Variants in ZNF587B observed in about 807,000 individuals in gnomAD.
ZNF587B encodes the protein zinc finger protein 587B.
ZNF587B carries 6 observed loss-of-function variants against 7.2 expected under a neutral mutation model. The observed-to-expected ratio is 0.83, with a 90% CI of 0.46 to 1.65. The LOEUF is 1.65. Among genes scored for constraint, ZNF587B ranks in the 40% most tolerant of loss-of-function variants. The pLI is 0.01. For missense variants in ZNF587B, 749 were observed against 761.0 expected, an observed-to-expected ratio of 0.98 and a Z score of 0.19; for synonymous variants, 274 against 254.3, an observed-to-expected ratio of 1.08 and a Z score of -0.74.
At chr19:57,838,222 C>A (rs1400931748) in intron 1 of ZNF587B, among the ~76,000 whole-genome samples, 1 of 151,338 alleles carries the variant, frequency 6.6e-6, no homozygotes, top group South Asian at 2.1e-4. Context: ...CAGGAGAATC[C>A]TCAGGAGAAC....
chr19:57,841,789 A>T lies in ZNF587B; in HGVS notation c.1115A>T (p.His372Leu). 2 of 1,610,860 alleles carry T rather than the reference A, an allele frequency of 1.2e-6. No homozygotes were observed. The highest frequency in any genetic ancestry group is 1.7e-6 in the Non-Finnish European group (2 of 1,178,622). The stretch of plus-strand genomic sequence containing the variant: ...AGTCGGAAGCCCAGCCTTAGTTACC[A>T]TCAGCGCATTCACACTGAAGTAAGA... Reference protein sequence around the residue: ...SFSRKPSLSYHQRIHTEVRPY... With the variant: ...SFSRKPSLSYLQRIHTEVRPY... Residue 372 changes from histidine (H) to leucine (L), a missense_variant, in exon 3 of 3, where the codon CAT becomes CTT. Physicochemically the swap from His to Leu is moderately conservative, Grantham distance 99. Around this residue, in one of 3 missense-constraint regions of ZNF587B, gnomAD observed 656 missense variants for 596.5 expected, o/e 1.10. Coordinates refer to ENST00000594901, the MANE Select transcript of ZNF587B (RefSeq NM_001376223.1).
Position 57,841,282 on chromosome 19 carries a change from G to T in ZNF587B, c.608G>T (p.Cys203Phe). 6.2e-7 allele frequency: 1 copy of T among 1,614,112 alleles called. No individual in the cohort carries two copies. Among genetic ancestry groups the T allele is most frequent in the Non-Finnish European group, 8.5e-7 (1 of 1,180,026 alleles). ...TGEKSNSKTECVSPFQCGGAH... is the reference protein window; with the variant it reads ...TGEKSNSKTEFVSPFQCGGAH... Reference sequence around the variant, plus strand: ...GAGAAGTCAAACAGCAAAACTGAGTGTGTGTCTCCCTTTCAGTGTGGGGGA... The same window carrying T: ...GAGAAGTCAAACAGCAAAACTGAGTTTGTGTCTCCCTTTCAGTGTGGGGGA... The change falls in exon 3 of 3, where the codon TGT becomes TTT. Residue 203 changes from cysteine (C) to phenylalanine (F), a missense_variant. Around this residue, in one of 3 missense-constraint regions of ZNF587B, gnomAD observed 656 missense variants for 596.5 expected, o/e 1.10. Transcript: ENST00000594901.
intron 1 of ZNF587B, among the ~76,000 whole-genome samples, chr19:57,831,688 C>G (rs571053515): frequency 6.6e-6 from 1 of 151,704 alleles, no homozygotes; most frequent in South Asian, 2.1e-4. Flanking sequence ...GCCACCGAGC[C>G]CAGCTTATTT....
At chr19:57,832,268 G>T (rs756878025) in intron 1 of ZNF587B, among the ~76,000 whole-genome samples, 1 of 152,042 alleles carries the variant, frequency 6.6e-6, no homozygotes, top group Non-Finnish European at 1.5e-5. Context: ...TGCATTTGTA[G>T]TAGAGACGGG....
At chr19:57,832,377 G>GCACA (rs1988450122) in intron 1 of ZNF587B, among the ~76,000 whole-genome samples, 1 of 152,258 alleles carries the variant, frequency 6.6e-6, no homozygotes, top group African/African-American at 2.4e-5. Flanking sequence ...GAGCCACTGT[G>GCACA]CCCGGCCAAT....
Position 57,839,160 on chromosome 19 carries a change from C to A in ZNF587B, c.163+11C>A, listed in dbSNP as rs767526334. On this transcript the variant is annotated intron_variant, in intron 2 of 2. Coordinates refer to ENST00000594901, the MANE Select transcript of ZNF587B (RefSeq NM_001376223.1). ...TTATGTCCTCCCTGGGTAAGTTGCTCACACTCACCCTGTGACTTGAGCTAG... is the reference window on the plus strand; with the variant it reads ...TTATGTCCTCCCTGGGTAAGTTGCTAACACTCACCCTGTGACTTGAGCTAG... The A allele has an allele frequency of 1.2e-6, 2 of 1,613,990 alleles. No homozygotes were observed. Among genetic ancestry groups the A allele is most frequent in the Non-Finnish European group, 1.7e-6 (2 of 1,179,926 alleles).
rs2122271135 is a variant in ZNF587B at position 57,845,406 on chromosome 19, G to A, written c.*2830G>A. The A allele has an allele frequency of 6.6e-6, 1 of 152,268 alleles. No individual in the cohort carries two copies. Among genetic ancestry groups the A allele is most frequent in the South Asian group, 2.1e-4 (1 of 4,826 alleles). The allele number at this position is 152,268 out of a possible 1,614,324, so 9.4% of individuals were successfully genotyped here. A position where few individuals can be genotyped will look rare whatever the true frequency, so the allele number is the denominator to read the frequency against. ...GTTGTGTAGCTAAGCTTTGGTCAGA[G>A]GAAATAATCTAAAGGTTTTGTGAAT... On this transcript the variant is annotated 3_prime_UTR_variant, in exon 3 of 3. Transcript: ENST00000594901.
chr19:57,839,365 G>T (rs1018416619), intron 2 of ZNF587B, among the ~76,000 whole-genome samples: 4 of 152,158 alleles, frequency 2.6e-5, no homozygotes, highest in Admixed American at 2.6e-4. Context: ...CCCAGGGAGG[G>T]ATTCCCAGTC....
In ZNF587B at chr19:57,843,701, A is replaced by T. The variant is rs1220792664; in HGVS notation, c.*1125A>T. On this transcript the variant is annotated 3_prime_UTR_variant, in exon 3 of 3. Coordinates refer to ENST00000594901, the MANE Select transcript of ZNF587B (RefSeq NM_001376223.1). ...ATTGCAACCTCTGCCTCCTGAGTTCAAGCAATTCTCCTTTCTCAGCCTCCT... is the reference window on the plus strand; with the variant it reads ...ATTGCAACCTCTGCCTCCTGAGTTCTAGCAATTCTCCTTTCTCAGCCTCCT... The T allele has an allele frequency of 2.1e-6, 1 of 478,424 alleles. No homozygotes were observed. Among genetic ancestry groups the T allele is most frequent in the Non-Finnish European group, 2.7e-6 (1 of 371,448 alleles). 29.6% of individuals were successfully genotyped at this position (478,424 alleles called of 1,614,324 possible). A position where few individuals can be genotyped will look rare whatever the true frequency, so the allele number is the denominator to read the frequency against.
chr19:57,842,857 C>G lies in ZNF587B; in HGVS notation c.*281C>G. On this transcript the variant is annotated 3_prime_UTR_variant, in exon 3 of 3. Transcript: ENST00000594901. The stretch of plus-strand genomic sequence containing the variant: ...TCCAGAAGTCTGGCTTCAAAACTCA[C>G]AGGAGAGCTGTCACTACGGAAATGC... 3.0e-6 allele frequency: 3 copies of G among 985,406 alleles called. No homozygotes were observed. The highest frequency in any genetic ancestry group is 3.6e-6 in the Non-Finnish European group (3 of 829,938). 61.0% of individuals were successfully genotyped at this position (985,406 alleles called of 1,614,324 possible). A position where few individuals can be genotyped will look rare whatever the true frequency, so the allele number is the denominator to read the frequency against.
intron 1 of ZNF587B, among the ~76,000 whole-genome samples, chr19:57,832,529 T>A (rs1988456686): frequency 6.6e-6 from 1 of 152,266 alleles, no homozygotes; most frequent in African/African-American, 2.4e-5. Context: ...TATCTCTGTT[T>A]CTCCAGGATT....
chr19:57,840,795 A>C (rs1227851724), intron 2 of ZNF587B, 43 bp from the exon 3 acceptor site: 3 of 1,587,186 alleles, frequency 1.9e-6, no homozygotes, highest in Non-Finnish European at 2.6e-6. Context: ...GTGCCTTCCC[A>C]CCAGAGTTAA....
At chr19:57,830,986 A>G (rs1483832544) in intron 1 of ZNF587B, among the ~76,000 whole-genome samples, 1 of 151,872 alleles carries the variant, frequency 6.6e-6, no homozygotes, top group South Asian at 2.1e-4. Flanking sequence ...AAATGGTTAC[A>G]GGAAAGTAAA....
chr19:57,830,714 C>A, intron 1 of ZNF587B, 150 bp downstream of exon 1: 1 of 823,092 alleles, frequency 1.2e-6, no homozygotes, highest in Non-Finnish European at 1.9e-6. Context: ...CCCTTTTGAG[C>A]TGCTGAAGGC....
At position 57,843,903 on chromosome 19, in the gene ZNF587B, T is replaced by A. The variant is rs976646664; in HGVS notation, c.*1327T>A. Among the ~76,000 whole-genome samples, 1 of 152,112 alleles carries A rather than the reference T, an allele frequency of 6.6e-6. No homozygotes were observed. Among genetic ancestry groups the A allele is most frequent in the Non-Finnish European group, 1.5e-5 (1 of 68,020 alleles). ...TGTGAGCCTCTGCTTCTGGCCTTTTTAAAAATTTTTTAAATTTATATTTTT... is the reference window on the plus strand; with the variant it reads ...TGTGAGCCTCTGCTTCTGGCCTTTTAAAAAATTTTTTAAATTTATATTTTT... On this transcript the variant is annotated 3_prime_UTR_variant, in exon 3 of 3. Transcript: ENST00000594901.
Position 57,830,463 on chromosome 19 carries a change from CGT to C in ZNF587B, c.-65_-64del. The C allele has an allele frequency of 6.6e-7, 1 of 1,525,700 alleles. No individual in the cohort carries two copies. 94.5% of individuals were successfully genotyped at this position (1,525,700 alleles called of 1,614,324 possible). On this transcript the variant is annotated 5_prime_UTR_variant, in exon 1 of 3. Transcript: ENST00000594901. Reference sequence around the variant, plus strand: ...CCCACCCCTGGGCCAGGATAGGGACCGTCATGCCCATATCTCCTGGCTGGTCA... The same window carrying C: ...CCCACCCCTGGGCCAGGATAGGGACCCATGCCCATATCTCCTGGCTGGTCA...
In ZNF587B at chr19:57,841,862, C is replaced by T. The variant is rs754610169; in HGVS notation, c.1188C>T (p.His396=). 2 of 1,613,358 alleles carry T rather than the reference C, an allele frequency of 1.2e-6. No individual in the cohort carries two copies. The highest frequency in any genetic ancestry group is 1.1e-5 in the South Asian group (1 of 91,010). The change falls in exon 3 of 3, where the codon CAC becomes CAT. Residue 396 remains histidine, a synonymous_variant. Coordinates refer to ENST00000594901, the MANE Select transcript of ZNF587B (RefSeq NM_001376223.1). ...ECGKSYISKG[H]LRIHQRMHTG... is the part of the protein sequence containing the mutation. ...GGAAATCTTATATTTCAAAGGGGCA[C>T]CTTAGGATCCATCAGCGCATGCACA... is the stretch of plus-strand genomic sequence containing the variant.
At chr19:57,839,176 C>T in intron 2 of ZNF587B, 27 bp downstream of exon 2, 1 of 1,613,126 alleles carries the variant, frequency 6.2e-7, no homozygotes. Flanking sequence ...CACCCTGTGA[C>T]TTGAGCTAGT....
Position 57,843,185 on chromosome 19 carries a change from G to GT in ZNF587B, c.*613dup. ...ATTTTCTCATATTAGTAGATATAGG[G>GT]TTTTACCATGTTTCCAGGCTGGTAT... is the stretch of plus-strand genomic sequence containing the variant. On this transcript the variant is annotated 3_prime_UTR_variant, in exon 3 of 3. Transcript: ENST00000594901. The GT allele has an allele frequency of 3.0e-6, 2 of 659,700 alleles. No individual in the cohort carries two copies. Among genetic ancestry groups the GT allele is most frequent in the Non-Finnish European group, 3.8e-6 (2 of 533,178 alleles). The allele number at this position is 659,700 out of a possible 1,614,324, so 40.9% of individuals were successfully genotyped here.
Sources: allele counts gnomAD v4.1 joint callset (sites outside exome capture counted in the v4.1 genomes callset), GRCh38; gene constraint gnomAD v4.1.1; regional missense constraint gnomAD v4.1.1; transcripts MANE v1.5; gene names NCBI Gene and HGNC (gene_info 2026-07-23, HGNC 2026-07-21).